CCDC30: variants seen among roughly 807,000 people sequenced by gnomAD.
The protein encoded by CCDC30 is coiled-coil domain containing 30.
A neutral mutation model predicts 100.2 loss-of-function variants in CCDC30; 70 were observed. The observed-to-expected ratio is 0.70, with a 90% confidence interval of 0.58 to 0.85. The LOEUF (loss-of-function observed/expected upper bound fraction) is 0.85. Ranked by LOEUF, CCDC30 falls within the 40% of genes least tolerant of loss-of-function variation. The probability of loss-of-function intolerance (pLI) is 0.00; values close to 1 mark genes in which losing one functional copy is unlikely to be tolerated. For missense variants in CCDC30, 652 were observed against 771.2 expected (o/e 0.85, Z 1.83); for synonymous variants, 233 against 269.5 (o/e 0.86, Z 1.33).
At chr1:42,487,917 G>A (rs1011748439) in intron 3 of CCDC30, among the ~76,000 whole-genome samples, 2 of 152,150 alleles carry the variant, frequency 1.3e-5, no homozygotes, top group East Asian at 1.9e-4. Context: ...CACCATGCCC[G>A]GACTCCTGAC....
At chr1:42,627,853 G>C (rs1646961463) in intron 11 of CCDC30, among the ~76,000 whole-genome samples, 1 of 152,208 alleles carries the variant, frequency 6.6e-6, no homozygotes, top group South Asian at 2.1e-4. Flanking sequence ...TTGCTGTAGG[G>C]ATAGGAACTT....
intron 6 of CCDC30, among the ~76,000 whole-genome samples, chr1:42,551,489 G>A (rs1336981963): frequency 6.6e-6 from 1 of 152,124 alleles, no homozygotes; most frequent in South Asian, 2.1e-4. Context: ...AAATTTGAGA[G>A]TCATGGTGGG....
rs145684399 is a variant in CCDC30 at position 42,568,302 on chromosome 1, G to T, written c.636+1827G>T. Among the ~76,000 whole-genome samples, 796 of 151,980 alleles carry T rather than the reference G, an allele frequency of 5.2e-3. 7 individuals carry two copies. Among genetic ancestry groups the T allele is most frequent in the African/African-American group, 0.019 (769 of 41,456 alleles). ...GCTAATTTTTGTATTTTTAGTAGAGGCAGGGTTTCACCATGTTGGCCAGGC... is the reference window on the plus strand; with the variant it reads ...GCTAATTTTTGTATTTTTAGTAGAGTCAGGGTTTCACCATGTTGGCCAGGC... On this transcript the variant is annotated intron_variant, in intron 7 of 16. Coordinates refer to ENST00000668663, the Ensembl canonical transcript of CCDC30.
At chr1:42,456,561 T>A in the CCDC30 span, 3 of 1,470,010 alleles carry the variant, frequency 2.0e-6, no homozygotes, top group African/African-American at 2.9e-5. Flanking sequence ...GCCGCTGCGC[T>A]GCAGATGGCG....
chr1:42,476,716 T>A, intron 1 of CCDC30, among the ~76,000 whole-genome samples: 1 of 140,906 alleles, frequency 7.1e-6, no homozygotes, highest in Non-Finnish European at 1.6e-5. Flanking sequence ...ATAAAAAAAT[T>A]AGGTGCTGTT....
intron 13 of CCDC30, among the ~76,000 whole-genome samples, chr1:42,642,831 C>T (rs1283301341): frequency 6.6e-6 from 1 of 152,160 alleles, no homozygotes; most frequent in Non-Finnish European, 1.5e-5. Flanking sequence ...TAGGCTGTTT[C>T]ATAATGTCAT....
intron 3 of CCDC30, chr1:42,489,943 A>C (rs946582480): frequency 7.4e-6 from 2 of 269,022 alleles, no homozygotes; most frequent in Non-Finnish European, 1.4e-5. Flanking sequence ...GACAATTACA[A>C]GATCAGATAA....
chr1:42,459,583 C>T (rs1328699447), upstream of CCDC30: 21 of 1,598,136 alleles, frequency 1.3e-5, no homozygotes, highest in Admixed American at 2.9e-4. Context: ...GCTTATTAAG[C>T]TTTTCTTTTT....
rs373321761 is a variant in CCDC30, at chr1:42,579,051, C to G, written c.846+1822C>G. ...CTGTCACCAGACTGGAGTGCAGTGG[C>G]GCTATCTCGGCTCACTGCAGCCTCT... On this transcript the variant is annotated intron_variant, in intron 8 of 16. Coordinates refer to ENST00000668663, the Ensembl canonical transcript of CCDC30. Among the ~76,000 whole-genome samples the G allele has an allele frequency of 3.3e-4, 50 of 152,122 alleles. No homozygotes were observed. In the East Asian group the frequency reaches 9.4e-3, roughly 28 times the overall value.
chr1:42,605,202 T>G (rs1646479174), intron 10 of CCDC30, among the ~76,000 whole-genome samples: 2 of 152,230 alleles, frequency 1.3e-5, no homozygotes, highest in South Asian at 4.1e-4. Flanking sequence ...ATTTCAGTGT[T>G]GGCACCTCCA....
At chr1:42,498,774 A>T in intron 5 of CCDC30, 44 bp from the exon 6 acceptor site, 1 of 981,162 alleles carries the variant, frequency 1.0e-6, no homozygotes, top group Non-Finnish European at 1.3e-6. Context: ...ATTTATCCAA[A>T]CAAAAATTGA....
At chr1:42,584,437 C>CA in intron 9 of CCDC30, among the ~76,000 whole-genome samples, 1 of 151,922 alleles carries the variant, frequency 6.6e-6, no homozygotes, top group Non-Finnish European at 1.5e-5. Flanking sequence ...CTTAAAAATA[C>CA]AAAAATTAGC....
At chr1:42,614,993 C>A (rs1256016480) in intron 11 of CCDC30, among the ~76,000 whole-genome samples, 1 of 152,114 alleles carries the variant, frequency 6.6e-6, no homozygotes, top group Middle Eastern at 3.2e-3. Flanking sequence ...ATGCACACAG[C>A]AAGTCAATAC....
At chr1:42,605,243 G>A (rs1442630079) in intron 10 of CCDC30, among the ~76,000 whole-genome samples, 1 of 152,164 alleles carries the variant, frequency 6.6e-6, no homozygotes. Flanking sequence ...GCATTATATA[G>A]CATTTCAAGT....
chr1:42,618,121 A>G (rs1646759451), intron 11 of CCDC30, among the ~76,000 whole-genome samples: 1 of 152,216 alleles, frequency 6.6e-6, no homozygotes, highest in Non-Finnish European at 1.5e-5. Flanking sequence ...CGATGTTAAA[A>G]CATCAGAGCA....
chr1:42,656,223 G>GT (rs1309395940), downstream of CCDC30, among the ~76,000 whole-genome samples: 1 of 152,142 alleles, frequency 6.6e-6, no homozygotes, highest in Non-Finnish European at 1.5e-5. Context: ...CTTTGTGCAT[G>GT]TAGTTCTTTT....
intron 6 of CCDC30, among the ~76,000 whole-genome samples, chr1:42,513,758 G>A (rs1419558941): frequency 2.0e-5 from 3 of 152,134 alleles, no homozygotes; most frequent in African/African-American, 7.2e-5. Flanking sequence ...TCGCTATAAA[G>A]GAGTACCCGA....
At chr1:42,547,513 C>T (rs1044914087) in intron 6 of CCDC30, among the ~76,000 whole-genome samples, 10 of 152,174 alleles carry the variant, frequency 6.6e-5, no homozygotes, top group African/African-American at 2.4e-4. Context: ...GGATACTTGC[C>T]GTGGGGAGCA....
chr1:42,495,531 C>CA (rs113033883), intron 4 of CCDC30, among the ~76,000 whole-genome samples: 19,405 of 141,680 alleles, frequency 0.14, 1,383 homozygotes, highest in East Asian at 0.19. Context: ...AATAAAAAAG[C>CA]AAAAAAAAAA....
Sources: allele counts gnomAD v4.1 joint callset (sites outside exome capture counted in the v4.1 genomes callset), GRCh38; gene constraint gnomAD v4.1.1; transcripts MANE v1.5; gene names NCBI Gene and HGNC (gene_info 2026-07-23, HGNC 2026-07-21).